NRXN3: variants seen among roughly 807,000 people sequenced by gnomAD.
NRXN3 encodes the protein neurexin 3.
Under a neutral mutation model 137.6 loss-of-function variants are expected in NRXN3, and 32 were observed. The observed-to-expected ratio is 0.23, with a 90% CI of 0.18 to 0.31. The LOEUF (loss-of-function observed/expected upper bound fraction) is 0.31, where lower values mean the gene tolerates loss of function less well. NRXN3 is among the 10% of genes least tolerant of loss of function. The probability of loss-of-function intolerance (pLI) is 1.00; values close to 1 mark genes in which losing one functional copy is unlikely to be tolerated. For missense variants in NRXN3, 1,574 were observed against 2,062.5 expected (o/e 0.76, Z 4.59); for synonymous variants, 798 against 784.5 (o/e 1.02, Z -0.29).
chr14:79,765,990 A>T (rs933311229), intron 19 of NRXN3, among the ~76,000 whole-genome samples: 4 of 152,350 alleles, frequency 2.6e-5, no homozygotes, highest in Middle Eastern at 6.8e-3. Context: ...GTAGAAAAAA[A>T]TGGGTTTTAA....
intron 19 of NRXN3, among the ~76,000 whole-genome samples, chr14:79,722,086 C>T (rs1026927006): frequency 6.6e-5 from 10 of 151,994 alleles, no homozygotes; most frequent in East Asian, 3.9e-4. Flanking sequence ...CCATAAGGTG[C>T]GTATTAATAT....
chr14:79,009,308 G>C (rs1217334118), intron 15 of NRXN3, among the ~76,000 whole-genome samples: 1 of 152,114 alleles, frequency 6.6e-6, no homozygotes, highest in Admixed American at 6.5e-5. Flanking sequence ...CTGACATGCA[G>C]ACTTGGATTA....
intron 14 of NRXN3, among the ~76,000 whole-genome samples, chr14:78,986,946 C>T (rs1183907177): frequency 7.4e-6 from 1 of 135,016 alleles, no homozygotes; most frequent in East Asian, 2.4e-4. Context: ...TTGCTTGAAG[C>T]TGGGAGGTGG....
intron 10 of NRXN3, among the ~76,000 whole-genome samples, chr14:78,847,880 C>T (rs986555370): frequency 2.6e-5 from 4 of 152,046 alleles, no homozygotes; most frequent in Admixed American, 1.3e-4. Context: ...AAAGGTCACT[C>T]GCCACCCTAC....
chr14:78,919,215 T>C (rs1490773473), intron 10 of NRXN3, among the ~76,000 whole-genome samples: 1 of 152,250 alleles, frequency 6.6e-6, no homozygotes, highest in South Asian at 2.1e-4. Flanking sequence ...CCATTGCTAA[T>C]ATCTGTAATT....
At chr14:78,760,157 G>T (rs1330368087) in intron 8 of NRXN3, among the ~76,000 whole-genome samples, 1 of 144,854 alleles carries the variant, frequency 6.9e-6, no homozygotes, top group African/African-American at 2.6e-5. Flanking sequence ...TGATTCTTCT[G>T]CCTCAGCCTC....
chr14:79,038,369 G>A (rs993310074), intron 15 of NRXN3, among the ~76,000 whole-genome samples: 3 of 152,054 alleles, frequency 2.0e-5, no homozygotes, highest in Admixed American at 6.6e-5. Context: ...ATTTTTATGT[G>A]AAATTGGGGT....
intron 15 of NRXN3, among the ~76,000 whole-genome samples, chr14:79,394,111 G>A (rs140034212): frequency 6.6e-6 from 1 of 152,152 alleles, no homozygotes; most frequent in Non-Finnish European, 1.5e-5. Context: ...GTGGCATGTA[G>A]AGAAATATAA....
At chr14:79,455,182 G>A (rs138383207) in intron 15 of NRXN3, among the ~76,000 whole-genome samples, 10 of 152,190 alleles carry the variant, frequency 6.6e-5, no homozygotes, top group African/African-American at 2.4e-4. Context: ...AGATTGTATT[G>A]GTCTCTGGTG....
At chr14:78,259,061 G>A (rs1444126943) in intron 2 of NRXN3, among the ~76,000 whole-genome samples, 1 of 151,856 alleles carries the variant, frequency 6.6e-6, no homozygotes, top group Non-Finnish European at 1.5e-5. Context: ...GAACCTGGGA[G>A]GTGGAGGTTG....
intron 6 of NRXN3, among the ~76,000 whole-genome samples, chr14:78,685,479 C>T (rs1479971548): frequency 6.6e-6 from 1 of 152,056 alleles, no homozygotes; most frequent in East Asian, 1.9e-4. Flanking sequence ...GATGCAGCCA[C>T]ACCAATCTCC....
At chr14:78,662,228 A>G (rs1360196240) in intron 6 of NRXN3, among the ~76,000 whole-genome samples, 3 of 151,808 alleles carry the variant, frequency 2.0e-5, no homozygotes, top group Non-Finnish European at 4.4e-5. Flanking sequence ...TTTAGAGCTG[A>G]GCTGTAAAAA....
chr14:78,732,151 G>A (rs1288709888), intron 8 of NRXN3, among the ~76,000 whole-genome samples: 1 of 152,144 alleles, frequency 6.6e-6, no homozygotes, highest in Non-Finnish European at 1.5e-5. Flanking sequence ...ACAAGAAGGA[G>A]CATGCAAGTA....
rs2099269085 is a variant in NRXN3 at position 79,820,686 on chromosome 14, CATTGTCTGTCGTTTCCT to C, written c.4093+15497_4093+15513del. Among the ~76,000 whole-genome samples the C allele has an allele frequency of 1.1e-4, 3 of 26,140 alleles. No individual in the cohort carries two copies. In the South Asian group the frequency reaches 4.6e-3, roughly 40 times the overall value. 17.1% of individuals were successfully genotyped at this position (26,140 alleles called of 152,430 possible). A position where few individuals can be genotyped will look rare whatever the true frequency, so the allele number is the denominator to read the frequency against. On this transcript the variant is annotated intron_variant, in intron 20 of 20. Transcript: ENST00000335750. ...TCACCCTCCCTGCTCAAGTAGACTC[CATTGTCTGTCGTTTCCT>C]TGTGTTCCTAAGTCATCATTTAGCT...
chr14:79,054,709 C>A (rs2099653350), intron 15 of NRXN3, among the ~76,000 whole-genome samples: 1 of 152,064 alleles, frequency 6.6e-6, no homozygotes, highest in Admixed American at 6.6e-5. Context: ...AGAGCCAATG[C>A]CACTTACAAG....
At chr14:79,176,337 G>A (rs960150985) in intron 15 of NRXN3, among the ~76,000 whole-genome samples, 2 of 152,164 alleles carry the variant, frequency 1.3e-5, no homozygotes, top group Admixed American at 1.3e-4. Flanking sequence ...GCTTTGTGGA[G>A]CCTGCATGAT....
chr14:79,093,844 A>G (rs1214332541), intron 15 of NRXN3, among the ~76,000 whole-genome samples: 2 of 152,074 alleles, frequency 1.3e-5, no homozygotes, highest in South Asian at 4.1e-4. Flanking sequence ...TCTATTTTCT[A>G]CATGACCGGG....
chr14:78,626,263 T>C (rs988492686), intron 4 of NRXN3, among the ~76,000 whole-genome samples: 5 of 152,146 alleles, frequency 3.3e-5, no homozygotes, highest in African/African-American at 7.2e-5. Flanking sequence ...TCTCATCTCT[T>C]CAAGGGTGGG....
At chr14:78,943,512 T>C (rs897993712) in intron 10 of NRXN3, among the ~76,000 whole-genome samples, 19 of 147,896 alleles carry the variant, frequency 1.3e-4, no homozygotes, top group African/African-American at 4.5e-4. Context: ...AGAGGCAGGG[T>C]TATGAGGAGG....
Sources: gnomAD v4.1 joint callset for allele counts (sites outside exome capture counted in the v4.1 genomes callset) on GRCh38, gnomAD v4.1.1 for gene constraint, MANE v1.5 for transcripts, NCBI Gene and HGNC (gene_info 2026-07-23, HGNC 2026-07-21) for gene names.